PTPRZ1: variants seen among roughly 807,000 people sequenced by gnomAD.
PTPRZ1 encodes the protein receptor-type tyrosine-protein phosphatase zeta.
A neutral mutation model predicts 214.1 loss-of-function variants in PTPRZ1; 82 were observed. The ratio of observed to expected loss-of-function variants is 0.38; its 90% CI spans 0.32 to 0.46. The LOEUF (loss-of-function observed/expected upper bound fraction) is 0.46. PTPRZ1 is among the 20% of genes least tolerant of loss of function. PTPRZ1 has a pLI of 1.00. For missense variants in PTPRZ1, 2,603 were observed against 2,748.7 expected, an observed-to-expected ratio of 0.95 and a Z score of 1.19; for synonymous variants, 945 against 987.9, an observed-to-expected ratio of 0.96 and a Z score of 0.81.
chr7:121,904,993 A>C lies in PTPRZ1; in HGVS notation c.59-23163A>C, dbSNP rs529495726. ...GTAATTACGTTTTTGCTGTCTACGA[A>C]AGTTGTTTAGTTAAAGATATTGTAA... On this transcript the variant is annotated intron_variant, in intron 1 of 29. Transcript: ENST00000393386. Among the ~76,000 whole-genome samples the C allele has an allele frequency of 7.2e-5, 11 of 152,312 alleles. No homozygotes were observed. In the South Asian group the frequency reaches 2.3e-3, roughly 32 times the overall value.
chr7:121,939,437 T>A (rs952131391), intron 2 of PTPRZ1, among the ~76,000 whole-genome samples: 1 of 152,254 alleles, frequency 6.6e-6, no homozygotes, highest in Non-Finnish European at 1.5e-5. Flanking sequence ...ATCTAGGAAG[T>A]AAGATCTATT....
At chr7:121,921,162 C>T (rs1421713328) in intron 1 of PTPRZ1, among the ~76,000 whole-genome samples, 1 of 152,016 alleles carries the variant, frequency 6.6e-6, no homozygotes, top group Non-Finnish European at 1.5e-5. Flanking sequence ...AATAACTCAA[C>T]TTTAGAAAGA....
intron 1 of PTPRZ1, among the ~76,000 whole-genome samples, chr7:121,888,021 C>T (rs1794452196): frequency 1.3e-5 from 2 of 152,230 alleles, no homozygotes; most frequent in African/African-American, 4.8e-5. Flanking sequence ...TTACCTGTTG[C>T]TGTCAATAGC....
At chr7:121,996,930 A>G (rs773084853) in intron 9 of PTPRZ1, among the ~76,000 whole-genome samples, 8 of 152,166 alleles carry the variant, frequency 5.3e-5, no homozygotes, top group Non-Finnish European at 7.3e-5. Context: ...CCATTACGCT[A>G]TATCAGCACA....
At chr7:122,023,373 C>T (rs1302151984) in intron 13 of PTPRZ1, among the ~76,000 whole-genome samples, 1 of 150,126 alleles carries the variant, frequency 6.7e-6, no homozygotes. Flanking sequence ...TTGGTTTCTC[C>T]TGTTTACCAT....
chr7:121,996,667 T>A, intron 9 of PTPRZ1, 101 bp downstream of exon 9: 1 of 1,005,248 alleles, frequency 9.9e-7, no homozygotes. Context: ...CCATTACTTT[T>A]AGACTTTATG....
At chr7:121,995,976 T>C (rs1798119798) in intron 8 of PTPRZ1, among the ~76,000 whole-genome samples, 1 of 152,214 alleles carries the variant, frequency 6.6e-6, no homozygotes, top group South Asian at 2.1e-4. Context: ...AATATAGAAC[T>C]ACAGAGCTAT....
At chr7:122,030,084 T>G (rs770420983) in intron 14 of PTPRZ1, among the ~76,000 whole-genome samples, 27 of 151,934 alleles carry the variant, frequency 1.8e-4, no homozygotes, top group Non-Finnish European at 2.8e-4. Context: ...CATGGTTTAT[T>G]TTTAACAAAT....
chr7:121,964,447 C>A (rs1340222108), intron 2 of PTPRZ1, among the ~76,000 whole-genome samples: 3 of 152,140 alleles, frequency 2.0e-5, no homozygotes, highest in Non-Finnish European at 4.4e-5. Context: ...AACTAACTCA[C>A]TGTCATGAGT....
intron 2 of PTPRZ1, among the ~76,000 whole-genome samples, chr7:121,960,882 G>T (rs1428965404): frequency 6.6e-6 from 1 of 151,720 alleles, no homozygotes; most frequent in African/African-American, 2.4e-5. Context: ...ACACTAATTG[G>T]TCAAATATGT....
At chr7:122,017,855 A>G (rs1798890581) in intron 12 of PTPRZ1, among the ~76,000 whole-genome samples, 1 of 152,018 alleles carries the variant, frequency 6.6e-6, no homozygotes, top group Non-Finnish European at 1.5e-5. Context: ...TACAGGCATG[A>G]GCCACCACGC....
intron 2 of PTPRZ1, among the ~76,000 whole-genome samples, chr7:121,944,645 C>CGT (rs1796319484): frequency 4.7e-5 from 1 of 21,150 alleles, no homozygotes; most frequent in African/African-American, 8.1e-5. Context: ...TTACAGATTA[C>CGT]ATTTTTTTTT....
At chr7:122,038,571 G>A (rs184922134) in intron 18 of PTPRZ1, among the ~76,000 whole-genome samples, 184 bp from the exon 19 acceptor site, 1,817 of 136,732 alleles carry the variant, frequency 0.013, 21 homozygotes, top group Middle Eastern at 0.03. Context: ...TCCTAACCAA[G>A]AGTATTTTCT....
At chr7:121,884,314 A>G (rs551346755) in intron 1 of PTPRZ1, among the ~76,000 whole-genome samples, 1 of 152,294 alleles carries the variant, frequency 6.6e-6, no homozygotes, top group South Asian at 2.1e-4. Flanking sequence ...ATATGCATCT[A>G]TATACACACC....
chr7:121,887,251 G>A (rs1454932608), intron 1 of PTPRZ1, among the ~76,000 whole-genome samples: 1 of 151,984 alleles, frequency 6.6e-6, no homozygotes, highest in African/African-American at 2.4e-5. Context: ...AAATATTTGT[G>A]GCATAAATGA....
rs1042029196 is a variant in PTPRZ1, at chr7:121,968,251, G to C, written c.304+121G>C. The C allele has an allele frequency of 5.1e-6, 4 of 783,620 alleles. No homozygotes were observed. In the African/African-American group the frequency reaches 5.5e-5, roughly 11 times the overall value. The allele number at this position is 783,620 out of a possible 1,614,324, so 48.5% of individuals were successfully genotyped here. On this transcript the variant is annotated intron_variant, in intron 3 of 29. Transcript: ENST00000393386. ...ATGAACTAGATAGAAGTTACATGTAGAAGAAACCAAATGGAGCAGAGAAAA... is the reference window on the plus strand; with the variant it reads ...ATGAACTAGATAGAAGTTACATGTACAAGAAACCAAATGGAGCAGAGAAAA...
intron 1 of PTPRZ1, among the ~76,000 whole-genome samples, chr7:121,879,610 A>C (rs1584595036): frequency 6.6e-6 from 1 of 152,320 alleles, no homozygotes; most frequent in African/African-American, 2.4e-5. Context: ...GTGCTACACA[A>C]GTTTAACTCT....
rs145019209 is a variant in PTPRZ1 at position 122,010,771 on chromosome 7, C to T, written c.1725C>T (p.Thr575=). 1,409 of 1,613,852 alleles carry T rather than the reference C, an allele frequency of 8.7e-4. 1 individual carries two copies. Among genetic ancestry groups the T allele is most frequent in the Non-Finnish European group, 1.1e-3 (1,295 of 1,179,902 alleles). Residue 575 remains threonine (T), a synonymous_variant, in exon 12 of 30, where the codon ACC becomes ACT. Coordinates refer to ENST00000393386, the MANE Select transcript of PTPRZ1 (RefSeq NM_002851.3). The stretch of plus-strand genomic sequence containing the variant: ...AATATGAGGAGGAGAGTTTATTGAC[C>T]AGTTTCAAGCTTGATACTGGAGCTG... The part of the protein sequence containing the change: ...ITEYEEESLL[T]SFKLDTGAED...
chr7:121,897,879 A>G (rs1794839859), intron 1 of PTPRZ1, among the ~76,000 whole-genome samples: 1 of 152,216 alleles, frequency 6.6e-6, no homozygotes, highest in Non-Finnish European at 1.5e-5. Flanking sequence ...TTGATGACTT[A>G]TTACTTATTT....
Sources: allele counts gnomAD v4.1 joint callset (sites outside exome capture counted in the v4.1 genomes callset), GRCh38; gene constraint gnomAD v4.1.1; transcripts MANE v1.5; gene names NCBI Gene and HGNC (gene_info 2026-07-23, HGNC 2026-07-21).